SANBR: variants seen among roughly 807,000 people sequenced by gnomAD.
The protein encoded by SANBR is SANT and BTB domain regulator of class switch recombination.
Under a neutral mutation model 101.8 loss-of-function variants are expected in SANBR, and 77 were observed. That is an observed-to-expected ratio of 0.76 (90% CI 0.63 to 0.91). The LOEUF is 0.91. SANBR is among the 40% of genes least tolerant of loss of function. SANBR has a pLI of 0.00. For missense variants in SANBR, 875 were observed against 853.0 expected (o/e 1.03, Z -0.32); for synonymous variants, 279 against 274.7 (o/e 1.02, Z -0.15).
chr2:61,092,900 G>A (rs934815622), intron 11 of SANBR, among the ~76,000 whole-genome samples: 1 of 151,990 alleles, frequency 6.6e-6, no homozygotes, highest in Non-Finnish European at 1.5e-5. Context: ...TTGGGAGGCC[G>A]AGGTGGGCGG....
rs1470849572 is a variant in SANBR at position 61,096,286 on chromosome 2, A to G, written c.1213-1414A>G. 2.6e-5 allele frequency among the ~76,000 whole-genome samples: 4 copies of G among 152,172 alleles called. No homozygotes were observed. The East Asian group carries it at 7.7e-4, about 29-fold the overall frequency. On this transcript the variant is annotated intron_variant, in intron 11 of 21. Transcript: ENST00000402291. The stretch of plus-strand genomic sequence containing the variant: ...CTTGTCCCCTCTAGATCTGAGTAAG[A>G]TATCACCTACTCAAGGATGCTCTCC...
At chr2:61,109,002 A>T (rs1054559965) in intron 15 of SANBR, among the ~76,000 whole-genome samples, 195 bp from the exon 16 acceptor site, 8 of 152,226 alleles carry the variant, frequency 5.3e-5, no homozygotes, top group African/African-American at 1.9e-4. Flanking sequence ...GAATTAAAAA[A>T]TATATGAAGT....
downstream of SANBR, among the ~76,000 whole-genome samples, chr2:61,126,344 TC>T (rs1684512868): frequency 6.6e-6 from 1 of 152,220 alleles, no homozygotes; most frequent in Non-Finnish European, 1.5e-5. Context: ...GTTATTAACA[TC>T]TTTTTCATGA....
At chr2:61,133,760 G>C (rs1282188671) in intron 20 of SANBR, among the ~76,000 whole-genome samples, 1 of 152,134 alleles carries the variant, frequency 6.6e-6, no homozygotes, top group African/African-American at 2.4e-5. Flanking sequence ...CAAGATTAGT[G>C]GTTGCTTAGG....
chr2:61,123,268 A>G lies in SANBR; in HGVS notation c.*1106A>G. The G allele has an allele frequency of 1.0e-6, 1 of 980,502 alleles. No individual in the cohort carries two copies. Among genetic ancestry groups the G allele is most frequent in the Non-Finnish European group, 1.2e-6 (1 of 825,238 alleles). The allele number at this position is 980,502 out of a possible 1,614,324, so 60.7% of individuals were successfully genotyped here. On this transcript the variant is annotated 3_prime_UTR_variant, in exon 22 of 22. Transcript: ENST00000402291. ...TTTTTTAAGTCTTAATTTGCCTTAT[A>G]ACTGACATTTCTTCAAATTATTCAG...
downstream of SANBR, among the ~76,000 whole-genome samples, chr2:61,128,853 T>G (rs1182813277): frequency 6.6e-6 from 1 of 152,050 alleles, no homozygotes; most frequent in Non-Finnish European, 1.5e-5. Flanking sequence ...TTCCAGCTAC[T>G]TGGGAGGCTT....
At position 61,072,767 on chromosome 2, in the gene SANBR, C is replaced by T. The variant is rs556177575; in HGVS notation, c.338-691C>T. Among the ~76,000 whole-genome samples, 158 of 142,070 alleles carry T rather than the reference C, an allele frequency of 1.1e-3. 1 individual carries two copies. Among genetic ancestry groups the T allele is most frequent in the African/African-American group, 3.9e-3 (150 of 38,354 alleles). The allele number at this position is 142,070 out of a possible 152,430, so 93.2% of individuals were successfully genotyped here. A position where few individuals can be genotyped will look rare whatever the true frequency, so the allele number is the denominator to read the frequency against. On this transcript the variant is annotated intron_variant, in intron 4 of 21. Transcript: ENST00000402291. ...TTATTTTAGAGGGGTTTGCCCTGTG[C>T]CCTTTACTTAATATTCCTTTTTCCT...
intron 17 of SANBR, among the ~76,000 whole-genome samples, chr2:61,116,707 C>A (rs1174332080): frequency 6.6e-6 from 1 of 152,000 alleles, no homozygotes; most frequent in Non-Finnish European, 1.5e-5. Context: ...ATTGTACATT[C>A]ATCTTTGTGT....
chr2:61,130,650 T>C (rs1684659204), intron 20 of SANBR, among the ~76,000 whole-genome samples: 1 of 152,020 alleles, frequency 6.6e-6, no homozygotes, highest in African/African-American at 2.4e-5. Flanking sequence ...TAGTTTTTTT[T>C]TTTAAGTTTC....
At chr2:61,101,162 A>G (rs1179960941) in intron 12 of SANBR, among the ~76,000 whole-genome samples, 2 of 152,234 alleles carry the variant, frequency 1.3e-5, no homozygotes, top group Non-Finnish European at 2.9e-5. Flanking sequence ...TATTTTACAT[A>G]CAAAGATACT....
chr2:61,136,255 G>A (rs1320868388), intron 21 of SANBR, among the ~76,000 whole-genome samples: 1 of 150,358 alleles, frequency 6.7e-6, no homozygotes, highest in Non-Finnish European at 1.5e-5. Flanking sequence ...AGTGAGCCAA[G>A]ATCGCACCAC....
intron 15 of SANBR, among the ~76,000 whole-genome samples, chr2:61,108,868 T>A (rs1390486994): frequency 6.6e-6 from 1 of 152,218 alleles, no homozygotes; most frequent in African/African-American, 2.4e-5. Flanking sequence ...ACTTTAATAT[T>A]GGTGGTTACT....
rs565049923 is a variant in SANBR, at chr2:61,078,093, A to G, written c.670+935A>G. Among the ~76,000 whole-genome samples, 24 of 152,326 alleles carry G rather than the reference A, an allele frequency of 1.6e-4. No homozygotes were observed. The South Asian group carries it at 4.3e-3, about 28-fold the overall frequency. On this transcript the variant is annotated intron_variant, in intron 6 of 21. Coordinates refer to ENST00000402291, the MANE Select transcript of SANBR (RefSeq NM_001129993.3). ...ATGTGATTTTTAAATATATTGTACA[A>G]TGAAGTATTTCAACATTTGGAATAT...
intron 8 of SANBR, among the ~76,000 whole-genome samples, chr2:61,087,579 C>T (rs1573612508): frequency 6.6e-6 from 1 of 151,852 alleles, no homozygotes; most frequent in Non-Finnish European, 1.5e-5. Flanking sequence ...AGGCCGGGTG[C>T]AGTGGCTCAC....
At chr2:61,080,272 A>G (rs1682038076) in intron 6 of SANBR, among the ~76,000 whole-genome samples, 2 of 152,096 alleles carry the variant, frequency 1.3e-5, no homozygotes, top group African/African-American at 4.8e-5. Flanking sequence ...ATAAATGTAA[A>G]CATTTACCAA....
At chr2:61,074,724 C>G (rs539203999) in intron 5 of SANBR, among the ~76,000 whole-genome samples, 7 of 152,090 alleles carry the variant, frequency 4.6e-5, no homozygotes, top group African/African-American at 1.7e-4. Context: ...AGGTTTTTAA[C>G]TGATTGGTTG....
intron 14 of SANBR, among the ~76,000 whole-genome samples, 160 bp downstream of exon 14, chr2:61,106,822 T>C (rs1683596731): frequency 6.6e-6 from 1 of 152,124 alleles, no homozygotes. Flanking sequence ...ATAGGACACA[T>C]TTCTTGCCCT....
chr2:61,115,370 G>T (rs1327649897), intron 16 of SANBR, among the ~76,000 whole-genome samples: 1 of 147,712 alleles, frequency 6.8e-6, no homozygotes. Flanking sequence ...ACAGAGTCTC[G>T]CTCTATCACC....
intron 12 of SANBR, among the ~76,000 whole-genome samples, chr2:61,102,832 C>T (rs909603025): frequency 5.3e-5 from 8 of 152,082 alleles, no homozygotes; most frequent in African/African-American, 1.4e-4. Context: ...GCCACCACGC[C>T]GAGCCAGAAT....
Sources: gnomAD v4.1 joint callset for allele counts (sites outside exome capture counted in the v4.1 genomes callset) on GRCh38, gnomAD v4.1.1 for gene constraint, MANE v1.5 for transcripts, NCBI Gene and HGNC (gene_info 2026-07-23, HGNC 2026-07-21) for gene names.